The following CFAP299 variants were observed in gnomAD, a reference collection of about 807,000 sequenced individuals.
CFAP299 encodes cilia and flagella associated protein 299.
In CFAP299, 21 loss-of-function variants were observed where a neutral mutation model predicts 27.0. The ratio of observed to expected loss-of-function variants is 0.78; its 90% confidence interval spans 0.55 to 1.12. The LOEUF (loss-of-function observed/expected upper bound fraction) is 1.12, where lower values mean the gene tolerates loss of function less well. Among genes scored for constraint, CFAP299 ranks in the 50% most tolerant of loss-of-function variants. The pLI, the probability that CFAP299 is intolerant of heterozygous loss-of-function variation, is 0.00. For synonymous variants in CFAP299, 104 were observed against 98.1 expected, an observed-to-expected ratio of 1.06 and a Z score of -0.36; for missense variants, 310 against 276.6, an observed-to-expected ratio of 1.12 and a Z score of -0.86.
intron 3 of CFAP299, among the ~76,000 whole-genome samples, chr4:80,829,071 T>C (rs1293106604): frequency 6.6e-6 from 1 of 151,316 alleles, no homozygotes; most frequent in Admixed American, 6.6e-5. Context: ...AAAGAAAAAA[T>C]GGACAAATTG....
At chr4:80,589,903 G>C (rs1736634715) in intron 3 of CFAP299, among the ~76,000 whole-genome samples, 1 of 152,100 alleles carries the variant, frequency 6.6e-6, no homozygotes. Flanking sequence ...TAAAGAGAAA[G>C]ATGTGTATAA....
At chr4:80,733,243 CTAATAT>C (rs1384409854) in intron 3 of CFAP299, among the ~76,000 whole-genome samples, 5 of 151,928 alleles carry the variant, frequency 3.3e-5, no homozygotes, top group Non-Finnish European at 5.9e-5. Context: ...TAATGAAAAC[CTAATAT>C]TGTCTCAGCT....
chr4:80,564,062 C>G (rs1735166598), intron 2 of CFAP299, among the ~76,000 whole-genome samples: 1 of 151,898 alleles, frequency 6.6e-6, no homozygotes, highest in African/African-American at 2.4e-5. Flanking sequence ...TAAAGAAAAG[C>G]CTGGGACCTG....
At chr4:80,426,588 C>A (rs1405092521) in intron 2 of CFAP299, among the ~76,000 whole-genome samples, 1 of 152,168 alleles carries the variant, frequency 6.6e-6, no homozygotes, top group African/African-American at 2.4e-5. Context: ...AAAATTGATT[C>A]TTGGGTCGTC....
At chr4:80,773,419 G>A (rs1225493758) in intron 3 of CFAP299, among the ~76,000 whole-genome samples, 1 of 152,094 alleles carries the variant, frequency 6.6e-6, no homozygotes, top group Non-Finnish European at 1.5e-5. Flanking sequence ...ATCCTATTTG[G>A]AGGGTATGGA....
chr4:80,809,612 A>G (rs1210577072), intron 3 of CFAP299, among the ~76,000 whole-genome samples: 1 of 152,052 alleles, frequency 6.6e-6, no homozygotes. Flanking sequence ...TTGCTGCAGA[A>G]GCCTCAAATC....
At chr4:80,672,792 G>A (rs868351403) in intron 3 of CFAP299, among the ~76,000 whole-genome samples, 1 of 152,124 alleles carries the variant, frequency 6.6e-6, no homozygotes, top group South Asian at 2.1e-4. Context: ...TATTTGCATA[G>A]AGGTGTTTAT....
chr4:80,366,619 G>A (rs1373719841), intron 2 of CFAP299, among the ~76,000 whole-genome samples: 2 of 152,186 alleles, frequency 1.3e-5, no homozygotes, highest in African/African-American at 2.4e-5. Flanking sequence ...GCATTACATT[G>A]TTGGTGGGAA....
In CFAP299 at chr4:80,858,844, T is replaced by G. The variant is rs1009654418; in HGVS notation, c.334-11149T>G. Among the ~76,000 whole-genome samples the G allele has an allele frequency of 5.5e-4, 83 of 152,292 alleles. 1 individual carries two copies. The highest frequency in any genetic ancestry group is 9.0e-4 in the Non-Finnish European group (61 of 68,018). Reference sequence around the variant, plus strand: ...TTACTTCCAACTATGTGGTCAATTTTGGAATAGGTGTGGTGTGGTGCTGAA... The same window carrying G: ...TTACTTCCAACTATGTGGTCAATTTGGGAATAGGTGTGGTGTGGTGCTGAA... On this transcript the variant is annotated intron_variant, in intron 3 of 5. Coordinates refer to ENST00000358105, the MANE Select transcript of CFAP299 (RefSeq NM_152770.3).
intron 2 of CFAP299, among the ~76,000 whole-genome samples, chr4:80,490,774 T>A (rs965668474): frequency 3.9e-5 from 6 of 152,194 alleles, no homozygotes; most frequent in African/African-American, 1.4e-4. Flanking sequence ...CATTAAGTAG[T>A]GAATAAGTAT....
intron 2 of CFAP299, chr4:80,387,616 C>A: frequency 7.7e-7 from 1 of 1,305,198 alleles, no homozygotes; most frequent in Non-Finnish European, 1.1e-6. Context: ...AGACACAGTG[C>A]CACCACCGTG....
At chr4:80,685,161 A>T (rs533594266) in intron 3 of CFAP299, among the ~76,000 whole-genome samples, 95 of 152,074 alleles carry the variant, frequency 6.2e-4, no homozygotes, top group Non-Finnish European at 1.3e-3. Flanking sequence ...GACAAAAGAG[A>T]CTCTTGGGCT....
chr4:80,950,014 TTTGAG>T (rs1252404567), intron 5 of CFAP299, among the ~76,000 whole-genome samples: 2 of 152,036 alleles, frequency 1.3e-5, no homozygotes, highest in African/African-American at 4.8e-5. Flanking sequence ...GTTGGCAAAT[TTTGAG>T]TTGATGCTTT....
chr4:80,577,237 C>T (rs1735915071), intron 2 of CFAP299, among the ~76,000 whole-genome samples: 1 of 151,976 alleles, frequency 6.6e-6, no homozygotes. Flanking sequence ...AATATACTTC[C>T]TATTAGAGTT....
intron 2 of CFAP299, among the ~76,000 whole-genome samples, chr4:80,476,939 G>A (rs75670948): frequency 0.043 from 5,966 of 139,208 alleles, 319 homozygotes; most frequent in East Asian, 0.25. Flanking sequence ...TTTTGTGTGT[G>A]TGTGCGTGTG....
rs186511375 is a variant in CFAP299, at chr4:80,783,098, T to C, written c.334-86895T>C. Among the ~76,000 whole-genome samples the C allele has an allele frequency of 2.5e-3, 382 of 152,302 alleles. 1 individual carries two copies. Among genetic ancestry groups the C allele is most frequent in the African/African-American group, 8.7e-3 (362 of 41,570 alleles). ...GGAAAGCAGCTTATTTGAGTAATTC[T>C]GGCTCATGATCTCTCATGCTTCATT... On this transcript the variant is annotated intron_variant, in intron 3 of 5. Coordinates refer to ENST00000358105, the MANE Select transcript of CFAP299 (RefSeq NM_152770.3).
intron 1 of CFAP299, among the ~76,000 whole-genome samples, chr4:80,351,587 A>G (rs1723017191): frequency 6.6e-6 from 1 of 152,010 alleles, no homozygotes; most frequent in South Asian, 2.1e-4. Flanking sequence ...GAAAGAAATA[A>G]CAAGGTAGTA....
chr4:80,899,533 T>C (rs1171362428), intron 4 of CFAP299, among the ~76,000 whole-genome samples: 8 of 152,098 alleles, frequency 5.3e-5, no homozygotes, highest in Non-Finnish European at 1.5e-5. Flanking sequence ...AGTCTTTCAA[T>C]AACAAAGAAG....
At chr4:80,650,937 C>T (rs1740246446) in intron 3 of CFAP299, among the ~76,000 whole-genome samples, 1 of 151,750 alleles carries the variant, frequency 6.6e-6, no homozygotes, top group Non-Finnish European at 1.5e-5. Context: ...ATGAGTGCAC[C>T]AAAATTTCAC....
Sources: allele counts gnomAD v4.1 joint callset (sites outside exome capture counted in the v4.1 genomes callset), GRCh38; gene constraint gnomAD v4.1.1; transcripts MANE v1.5; gene names NCBI Gene and HGNC (gene_info 2026-07-23, HGNC 2026-07-21).